SHANK2: variants seen among roughly 807,000 people sequenced by gnomAD.
SHANK2 encodes SH3 and multiple ankyrin repeat domains protein 2.
SHANK2 carries 43 observed loss-of-function variants against 133.7 expected under a neutral mutation model. The ratio of observed to expected loss-of-function variants is 0.32; its 90% CI spans 0.25 to 0.41. The LOEUF (loss-of-function observed/expected upper bound fraction) is 0.41. SHANK2 is among the 10% of genes least tolerant of loss of function. The probability of loss-of-function intolerance (pLI) is 1.00; values close to 1 mark genes in which losing one functional copy is unlikely to be tolerated. For missense variants in SHANK2, 1,994 were observed against 2,235.8 expected (o/e 0.89, Z 2.18); for synonymous variants, 1,017 against 952.8 (o/e 1.07, Z -1.24).
chr11:70,830,880 A>G lies in SHANK2; in HGVS notation c.1175-10198T>C, dbSNP rs1316874469. On this transcript the variant is annotated intron_variant, in intron 11 of 25. Transcript: ENST00000601538. This position sits in a 1 kb window ranked among gnomAD's most constrained non-coding sequence, Gnocchi z 4.4. ...CCCTGCTGCACCCACATAGGTTTCC[A>G]CGCATTGGAGCCCAAATGCCCACAG... is the stretch of plus-strand genomic sequence containing the variant. Among the ~76,000 whole-genome samples, 1 of 152,192 alleles carries G rather than the reference A, an allele frequency of 6.6e-6. No homozygotes were observed. Among genetic ancestry groups the G allele is most frequent in the Non-Finnish European group, 1.5e-5 (1 of 68,028 alleles).
chr11:71,238,315 A>C (rs1289138668), intron 1 of SHANK2, among the ~76,000 whole-genome samples: 3 of 152,232 alleles, frequency 2.0e-5, no homozygotes, highest in Non-Finnish European at 4.4e-5. Context: ...GATAATGCAA[A>C]CATCACCACT....
chr11:70,521,187 G>A (rs2059325857), intron 17 of SHANK2, among the ~76,000 whole-genome samples: 1 of 152,142 alleles, frequency 6.6e-6, no homozygotes, highest in Admixed American at 6.5e-5. Context: ...TCTCTTTGCT[G>A]AAAATCTAGG....
intron 17 of SHANK2, among the ~76,000 whole-genome samples, chr11:70,627,128 C>T (rs2060916115): frequency 2.0e-5 from 3 of 152,192 alleles, no homozygotes. Context: ...CTAAAGGTTC[C>T]TGTTTTTGAG....
chr11:70,805,741 A>T (rs1438970109), intron 13 of SHANK2, among the ~76,000 whole-genome samples: 1 of 152,174 alleles, frequency 6.6e-6, no homozygotes, highest in Non-Finnish European at 1.5e-5. Flanking sequence ...AGGCAACAAT[A>T]AAAACAGATA....
intron 13 of SHANK2, among the ~76,000 whole-genome samples, chr11:70,798,958 G>T (rs1947983432): frequency 6.6e-6 from 1 of 152,066 alleles, no homozygotes; most frequent in Non-Finnish European, 1.5e-5. Context: ...GAGTCGGGGG[G>T]CACCGCCACA....
At chr11:70,694,632 A>C (rs1163135857) in intron 15 of SHANK2, among the ~76,000 whole-genome samples, 7 of 152,152 alleles carry the variant, frequency 4.6e-5, no homozygotes, top group Non-Finnish European at 1.0e-4. Flanking sequence ...AGGGTTTGTG[A>C]GCTACAAGCT....
At chr11:71,221,310 A>C (rs1256236249) in intron 2 of SHANK2, among the ~76,000 whole-genome samples, 1 of 152,218 alleles carries the variant, frequency 6.6e-6, no homozygotes, top group Admixed American at 6.5e-5. Flanking sequence ...AGGAATGAGC[A>C]GGATTGGACC....
In SHANK2 at chr11:70,486,992, C is replaced by T. The variant is rs868939163; in HGVS notation, c.3301G>A (p.Ala1101Thr). The T allele has an allele frequency of 5.0e-6, 8 of 1,611,174 alleles. No individual in the cohort carries two copies. In the Admixed American group the frequency reaches 1.2e-4, roughly 23 times the overall value. The change falls in exon 25 of 26, where the codon GCC (alanine) becomes ACC (threonine). Residue 1101 changes from alanine to threonine, a missense_variant. This residue lies in a region of SHANK2 where 488 missense variants were observed against 642.6 expected (regional missense o/e 0.76). Coordinates refer to ENST00000601538, the MANE Select transcript of SHANK2 (RefSeq NM_012309.5). The surrounding 1 kb of genome is among the most constrained non-coding windows in gnomAD (Gnocchi z 8.0). ...TCCCCCAGGTCTGTGGAGAGGAAGG[C>T]CGGGGAGTTCCTCCTGGCTTCCAGC... Reference protein sequence around the residue: ...KRLEARRNSPAFLSTDLGDED... With the variant: ...KRLEARRNSPTFLSTDLGDED...
chr11:71,119,819 G>A (rs782412730), intron 3 of SHANK2, among the ~76,000 whole-genome samples: 1 of 152,134 alleles, frequency 6.6e-6, no homozygotes, highest in African/African-American at 2.4e-5. Context: ...CTGCCGTCCT[G>A]GGGAACACAC....
rs781794900 is a variant in SHANK2, at chr11:70,486,879, A to C, written c.3414T>G (p.Ala1138=). 1.9e-6 allele frequency: 3 copies of C among 1,612,620 alleles called. No individual in the cohort carries two copies. The highest frequency in any genetic ancestry group is 2.2e-5 in the East Asian group (1 of 44,870). The change falls in exon 25 of 26, where the codon GCT becomes GCG. Residue 1138 remains alanine, a synonymous_variant. Transcript: ENST00000601538. The surrounding 1 kb of genome is among the most constrained non-coding windows in gnomAD (Gnocchi z 8.0). The stretch of plus-strand genomic sequence containing the variant: ...TCGGCATGGGGGATGACAGCTGCTC[A>C]GCGCTGTCCTCGTCAGCAAAATCCC... ...EEGDFADEDS[A]EQLSSPMPSA... is the part of the protein sequence containing the mutation.
chr11:70,519,739 T>G (rs183196450), intron 17 of SHANK2, among the ~76,000 whole-genome samples: 55 of 152,208 alleles, frequency 3.6e-4, no homozygotes, highest in Non-Finnish European at 6.6e-4. Context: ...ACTATTGTTT[T>G]TATTTTATTT....
intron 6 of SHANK2, among the ~76,000 whole-genome samples, chr11:71,108,921 A>C (rs563984698): frequency 3.2e-4 from 48 of 151,024 alleles, no homozygotes; most frequent in Non-Finnish European, 6.2e-4. Flanking sequence ...GTGCAGGCTG[A>C]ATCCACACCC....
intron 12 of SHANK2, among the ~76,000 whole-genome samples, chr11:70,815,173 GAAACACACACACACACACACACACAC>G (rs1565335975): frequency 8.5e-6 from 1 of 117,962 alleles, no homozygotes; most frequent in African/African-American, 3.3e-5. Flanking sequence ...GATGGGAGAA[GAAACACACACACACACACACACACAC>G]ACACACACAC....
chr11:70,652,557 C>T (rs2061350139), intron 17 of SHANK2, among the ~76,000 whole-genome samples: 1 of 152,118 alleles, frequency 6.6e-6, no homozygotes, highest in Admixed American at 6.5e-5. Flanking sequence ...CATCTTTAGT[C>T]CCAGTACTTC....
intron 10 of SHANK2, among the ~76,000 whole-genome samples, chr11:70,941,524 G>C (rs557446285): frequency 2.6e-5 from 4 of 152,172 alleles, no homozygotes; most frequent in African/African-American, 9.7e-5. Context: ...TCATATGTCA[G>C]AGCTCTAATC....
chr11:70,520,748 T>A (rs2059320307), intron 17 of SHANK2, among the ~76,000 whole-genome samples: 1 of 152,234 alleles, frequency 6.6e-6, no homozygotes, highest in Non-Finnish European at 1.5e-5. Context: ...TCCCTTTATC[T>A]TTCAGTTGTT....
chr11:70,626,523 C>A (rs781837840), intron 17 of SHANK2, among the ~76,000 whole-genome samples: 9 of 152,300 alleles, frequency 5.9e-5, no homozygotes, highest in Non-Finnish European at 1.0e-4. Flanking sequence ...CATTGGACTG[C>A]AGGAAACAGG....
intron 11 of SHANK2, among the ~76,000 whole-genome samples, chr11:70,846,381 G>A (rs571294928): frequency 3.4e-4 from 51 of 151,896 alleles, no homozygotes; most frequent in Admixed American, 7.9e-4. Flanking sequence ...CTCCTGCCTC[G>A]GCCTCCCAAG....
At chr11:70,821,185 C>T (rs569134503) in intron 11 of SHANK2, among the ~76,000 whole-genome samples, 2 of 152,114 alleles carry the variant, frequency 1.3e-5, no homozygotes, top group South Asian at 4.1e-4. Context: ...AAGGTCTTTA[C>T]AGAGATCATC....
Sources: allele counts gnomAD v4.1 joint callset (sites outside exome capture counted in the v4.1 genomes callset), GRCh38; gene constraint gnomAD v4.1.1; regional missense constraint gnomAD v4.1.1; non-coding constraint Gnocchi (gnomAD v3.1); transcripts MANE v1.5; gene names NCBI Gene and HGNC (gene_info 2026-07-23, HGNC 2026-07-21).